APBA2: variants seen among roughly 807,000 people sequenced by gnomAD.
APBA2 encodes amyloid beta precursor protein binding family A member 2.
In APBA2, 30 loss-of-function variants were observed where a neutral mutation model predicts 75.0. The ratio of observed to expected loss-of-function variants is 0.40; its 90% confidence interval spans 0.30 to 0.54. APBA2 has a LOEUF of 0.54. APBA2 is among the 20% of genes least tolerant of loss of function. The pLI is 0.49. For missense variants in APBA2, 801 were observed against 1,016.1 expected (o/e 0.79, Z 2.88); for synonymous variants, 444 against 409.6 (o/e 1.08, Z -1.01).
In APBA2 at chr15:29,054,170, GGCATCA is replaced by G. The variant is rs1412228795; in HGVS notation, c.287_292del (p.Gly96_Thr98delinsAla). ...CGAGGGCCTCCCTGAGGAGGAGGAG[GGCATCA>G]CCTACTACATCCGCTACTGCCCTGA... is the stretch of plus-strand genomic sequence containing the variant. On this transcript the variant is annotated inframe_deletion, in exon 4 of 15. Coordinates refer to ENST00000683413, the MANE Select transcript of APBA2 (RefSeq NM_001353788.2). The surrounding 1 kb of genome is among the most constrained non-coding windows in gnomAD (Gnocchi z 6.1). The G allele has an allele frequency of 7.4e-6, 12 of 1,614,186 alleles. 1 individual carries two copies. Among genetic ancestry groups the G allele is most frequent in the East Asian group, 2.2e-5 (1 of 44,874 alleles).
At chr15:28,994,711 G>T (rs2038418051) in intron 2 of APBA2, among the ~76,000 whole-genome samples, 1 of 152,166 alleles carries the variant, frequency 6.6e-6, no homozygotes, top group Non-Finnish European at 1.5e-5. Context: ...AGAGCAACTG[G>T]CCGCTTTCTT....
intron 3 of APBA2, among the ~76,000 whole-genome samples, chr15:29,038,880 G>A (rs973764831): frequency 6.6e-6 from 1 of 151,478 alleles, no homozygotes; most frequent in African/African-American, 2.4e-5. Flanking sequence ...CACTATGTTG[G>A]CCAGGCTGGT....
chr15:29,068,673 C>T (rs1278994754), intron 4 of APBA2, among the ~76,000 whole-genome samples: 1 of 152,172 alleles, frequency 6.6e-6, no homozygotes, highest in East Asian at 1.9e-4. Flanking sequence ...CCTCTGCTGC[C>T]TGGATGACCC....
chr15:29,059,609 T>G (rs1309337358), intron 4 of APBA2, among the ~76,000 whole-genome samples: 5 of 152,142 alleles, frequency 3.3e-5, no homozygotes. Context: ...TTATAAGAAA[T>G]CTATATTAAA....
Position 29,117,210 on chromosome 15 carries a change from A to C in APBA2, c.*77A>C, listed in dbSNP as rs1349759066. The stretch of plus-strand genomic sequence containing the variant: ...CCAGAGGAGCTGGGAGCCGGGCCGC[A>C]GACTTGACCCCGACGCCACAGCCCA... On this transcript the variant is annotated 3_prime_UTR_variant, in exon 15 of 15. Coordinates refer to ENST00000683413, the MANE Select transcript of APBA2 (RefSeq NM_001353788.2). The C allele has an allele frequency of 1.4e-6, 2 of 1,412,554 alleles. No homozygotes were observed. Among genetic ancestry groups the C allele is most frequent in the African/African-American group, 1.4e-5 (1 of 70,736 alleles). The allele number at this position is 1,412,554 out of a possible 1,614,324, so 87.5% of individuals were successfully genotyped here.
chr15:28,988,982 G>A (rs1055191490), intron 2 of APBA2, among the ~76,000 whole-genome samples: 3 of 152,082 alleles, frequency 2.0e-5, no homozygotes, highest in African/African-American at 7.2e-5. Context: ...TTACATTTTT[G>A]TCTAATGCGT....
chr15:28,935,241 C>T (rs1463282465), intron 2 of APBA2, among the ~76,000 whole-genome samples: 5 of 152,222 alleles, frequency 3.3e-5, no homozygotes, highest in Admixed American at 3.3e-4. Context: ...CTTGGGGCCC[C>T]TTCCATCCGA....
At position 29,054,386 on chromosome 15, in the gene APBA2, C is replaced by A. The variant is rs1257197032; in HGVS notation, c.502C>A (p.Pro168Thr). Residue 168 changes from proline (P) to threonine (T), a missense_variant, in exon 4 of 15, where the codon CCG becomes ACG. Physicochemically the swap from Pro to Thr is conservative, Grantham distance 38. This residue lies in a region of APBA2 where 434 missense variants were observed against 471.6 expected (regional missense o/e 0.92). Coordinates refer to ENST00000683413, the MANE Select transcript of APBA2 (RefSeq NM_001353788.2). The surrounding 1 kb of genome is among the most constrained non-coding windows in gnomAD (Gnocchi z 6.1). ...QDYPDGQLPIPEDEPSVLEAH... is the reference protein window; with the variant it reads ...QDYPDGQLPITEDEPSVLEAH... ...CTACCCAGACGGCCAACTGCCCATTCCGGAGGATGAGCCCTCCGTCCTTGA... is the reference window on the plus strand; with the variant it reads ...CTACCCAGACGGCCAACTGCCCATTACGGAGGATGAGCCCTCCGTCCTTGA... 2.5e-6 allele frequency: 4 copies of A among 1,614,130 alleles called. No individual in the cohort carries two copies. The African/African-American group carries it at 5.3e-5, about 22-fold the overall frequency.
In APBA2 at chr15:29,101,757, G is replaced by A. The variant is rs758118684; in HGVS notation, c.1497G>A (p.Met499Ile). 6.2e-6 allele frequency: 10 copies of A among 1,613,544 alleles called. No individual in the cohort carries two copies. The highest frequency in any genetic ancestry group is 7.6e-6 in the Non-Finnish European group (9 of 1,179,966). ...GAQEGKKQYK[M>I]ICHVFESEDA... The stretch of plus-strand genomic sequence containing the variant: ...AGGAAGGCAAGAAGCAGTATAAGAT[G>A]ATCTGCCATGTGTTCGAGTCGGAGG... Residue 499 changes from methionine (M) to isoleucine (I), a missense_variant, in exon 10 of 15, where the codon ATG becomes ATA. By Grantham distance (10) the Met-to-Ile change is conservative. Around this residue, in one of 2 missense-constraint regions of APBA2, gnomAD observed 367 missense variants for 544.5 expected, o/e 0.67. Transcript: ENST00000683413.
intron 4 of APBA2, among the ~76,000 whole-genome samples, chr15:29,065,392 G>A (rs2042337182): frequency 6.6e-6 from 1 of 152,186 alleles, no homozygotes; most frequent in African/African-American, 2.4e-5. Flanking sequence ...ATGTGATAGC[G>A]TGGTGATGGC....
chr15:29,034,766 G>T (rs957244223), intron 3 of APBA2, among the ~76,000 whole-genome samples: 2 of 152,170 alleles, frequency 1.3e-5, no homozygotes, highest in African/African-American at 2.4e-5. Context: ...CTTTTAACAT[G>T]CAGACTTCAG....
At chr15:28,943,761 TGGCTCCTCCAGCCC>T in intron 2 of APBA2, among the ~76,000 whole-genome samples, 1 of 152,224 alleles carries the variant, frequency 6.6e-6, no homozygotes, top group African/African-American at 2.4e-5. Flanking sequence ...CCTCCAGCCC[TGGCTCCTCCAGCCC>T]TGGCCCCTCC....
At chr15:28,888,803 C>G (rs1213258220) in intron 1 of APBA2, among the ~76,000 whole-genome samples, 1 of 152,176 alleles carries the variant, frequency 6.6e-6, no homozygotes, top group African/African-American at 2.4e-5. Flanking sequence ...CCCATGCAGT[C>G]TCAGTTCCTC....
At chr15:28,917,094 A>T (rs1157824132) in intron 1 of APBA2, among the ~76,000 whole-genome samples, 1 of 152,202 alleles carries the variant, frequency 6.6e-6, no homozygotes, top group South Asian at 2.1e-4. Context: ...GAGGTGGGAA[A>T]TGTGGCAGCC....
Position 29,087,255 on chromosome 15 carries a change from A to AT in APBA2, c.1070-5811dup, listed in dbSNP as rs199522047. ...GCATATGCTTTTTCCCATTTTTGCC[A>AT]TTTTTTTTTAAAAAAAATTATTTAT... On this transcript the variant is annotated intron_variant, in intron 6 of 14. Transcript: ENST00000683413. 2.5e-4 allele frequency among the ~76,000 whole-genome samples: 37 copies of AT among 146,508 alleles called. No individual in the cohort carries two copies. The East Asian group carries it at 3.5e-3, about 14-fold the overall frequency.
At chr15:28,956,286 G>C (rs8035791) in intron 2 of APBA2, among the ~76,000 whole-genome samples, 1 of 151,866 alleles carries the variant, frequency 6.6e-6, no homozygotes, top group Non-Finnish European at 1.5e-5. Flanking sequence ...TACAAAGCAC[G>C]AGTGCCATGG....
At chr15:28,964,076 A>G (rs77700269) in intron 2 of APBA2, among the ~76,000 whole-genome samples, 3,396 of 152,322 alleles carry the variant, frequency 0.022, 158 homozygotes, top group East Asian at 0.17. Flanking sequence ...GGACATTTGG[A>G]GTTTCCAGTT....
intron 1 of APBA2, among the ~76,000 whole-genome samples, chr15:28,913,849 C>T (rs1411399473): frequency 6.6e-6 from 1 of 152,178 alleles, no homozygotes; most frequent in Non-Finnish European, 1.5e-5. Context: ...CATGAATAGT[C>T]CTTGCTCTGG....
At position 28,997,393 on chromosome 15, in the gene APBA2, C is replaced by G. The variant is rs562516060; in HGVS notation, c.-41+1587C>G. 6.6e-5 allele frequency among the ~76,000 whole-genome samples: 10 copies of G among 152,288 alleles called. No homozygotes were observed. The East Asian group carries it at 7.7e-4, about 12-fold the overall frequency. On this transcript the variant is annotated intron_variant, in intron 3 of 14. Transcript: ENST00000683413. ...ATGTACTTTTGTGCTCTCAACAGGCCTTTTCTGCTCTATTTAACTTTCTAC... is the reference window on the plus strand; with the variant it reads ...ATGTACTTTTGTGCTCTCAACAGGCGTTTTCTGCTCTATTTAACTTTCTAC...
Sources: allele counts gnomAD v4.1 joint callset (sites outside exome capture counted in the v4.1 genomes callset), GRCh38; gene constraint gnomAD v4.1.1; regional missense constraint gnomAD v4.1.1; non-coding constraint Gnocchi (gnomAD v3.1); transcripts MANE v1.5; gene names NCBI Gene and HGNC (gene_info 2026-07-23, HGNC 2026-07-21).